Variants in PCDHA5 observed in about 807,000 individuals in gnomAD.
The protein encoded by PCDHA5 is protocadherin alpha 5.
A neutral mutation model predicts 61.6 loss-of-function variants in PCDHA5; 43 were observed. That is an observed-to-expected ratio of 0.70 (90% CI 0.55 to 0.90). The LOEUF (loss-of-function observed/expected upper bound fraction) is 0.90. Ranked by LOEUF, PCDHA5 falls within the 40% of genes least tolerant of loss-of-function variation. The pLI, the probability that PCDHA5 is intolerant of heterozygous loss-of-function variation, is 0.00. For synonymous variants in PCDHA5, 627 were observed against 543.9 expected, an observed-to-expected ratio of 1.15 and a Z score of -2.13; for missense variants, 1,298 against 1,222.7, an observed-to-expected ratio of 1.06 and a Z score of -0.92.
intron 1 of PCDHA5, among the ~76,000 whole-genome samples, chr5:140,960,222 A>G (rs1364451029): frequency 2.6e-5 from 4 of 152,206 alleles, no homozygotes; most frequent in African/African-American, 9.6e-5. Flanking sequence ...ATCTCAAGAA[A>G]CAGAGCCATG....
intron 1 of PCDHA5, among the ~76,000 whole-genome samples, chr5:140,889,326 G>A (rs2062188363): frequency 6.6e-6 from 1 of 151,922 alleles, no homozygotes; most frequent in African/African-American, 2.4e-5. Flanking sequence ...TCTGTATCAG[G>A]ATTTTGATTG....
In PCDHA5 at chr5:140,838,535, A is replaced by G. The variant is rs1417451596; in HGVS notation, c.2352+14408A>G. On this transcript the variant is annotated intron_variant, in intron 1 of 3. Transcript: ENST00000529859. ...ATTTGCATCTTATTTTCTTTTATGG[A>G]TATATCATGATTTATTCATCCAGTA... 2.0e-5 allele frequency among the ~76,000 whole-genome samples: 3 copies of G among 151,550 alleles called. No homozygotes were observed. The East Asian group carries it at 5.8e-4, about 29-fold the overall frequency.
intron 1 of PCDHA5, chr5:140,869,991 A>G (rs1554163685): frequency 1.9e-6 from 3 of 1,613,542 alleles, no homozygotes; most frequent in Non-Finnish European, 2.5e-6. Flanking sequence ...CACTAGATCA[A>G]AATAATGGAG....
At chr5:141,007,328 A>G (rs1018961755) in intron 3 of PCDHA5, among the ~76,000 whole-genome samples, 1 of 149,092 alleles carries the variant, frequency 6.7e-6, no homozygotes, top group African/African-American at 2.5e-5. Context: ...AAGTGGACAG[A>G]TTGCCTGAGC....
chr5:140,948,497 C>G (rs1181465701), intron 1 of PCDHA5, among the ~76,000 whole-genome samples: 2 of 151,510 alleles, frequency 1.3e-5, no homozygotes, highest in Non-Finnish European at 3.0e-5. Context: ...CTTTCATAGA[C>G]TTTCTATTAA....
chr5:140,863,474 G>A (rs1440662117), intron 1 of PCDHA5: 3 of 480,748 alleles, frequency 6.2e-6, no homozygotes, highest in African/African-American at 2.0e-5. Context: ...CTGGAGAGTC[G>A]CCTCCCAAGG....
In PCDHA5 at chr5:141,005,701, CAAAAAAAA is replaced by C. The variant is rs59860837; in HGVS notation, c.2501-3903_2501-3896del. Among the ~76,000 whole-genome samples, 45 of 7,788 alleles carry C rather than the reference CAAAAAAAA, an allele frequency of 5.8e-3. No individual in the cohort carries two copies. In the East Asian group the frequency reaches 0.064, roughly 11 times the overall value. 5.1% of individuals were successfully genotyped at this position (7,788 alleles called of 152,430 possible). A position where few individuals can be genotyped will look rare whatever the true frequency, so the allele number is the denominator to read the frequency against. On this transcript the variant is annotated intron_variant, in intron 3 of 3. Coordinates refer to ENST00000529859, the MANE Select transcript of PCDHA5 (RefSeq NM_018908.3). ...TGGGCGACAGAGCGAAACTCCGTCT[CAAAAAAAA>C]AAAAAAAAAAAAAAAAAAAAAAGAA...
rs2150484404 is a variant in PCDHA5, at chr5:140,850,437, C to T, written c.2352+26310C>T. 6.3e-6 allele frequency: 10 copies of T among 1,597,794 alleles called. 1 individual carries two copies. Among genetic ancestry groups the T allele is most frequent in the African/African-American group, 1.3e-5 (1 of 74,284 alleles). ...AACGGACGCACCGCGCCAGCGCCTA[C>T]TGGTGCTGGTGAAAGACCACGGGGA... On this transcript the variant is annotated intron_variant, in intron 1 of 3. Transcript: ENST00000529859.
At chr5:140,927,063 C>G in intron 1 of PCDHA5, 1 of 1,611,332 alleles carries the variant, frequency 6.2e-7, no homozygotes. Context: ...ACTTTCGCTT[C>G]CTTTCCAGCC....
intron 1 of PCDHA5, chr5:140,856,880 T>TA: frequency 6.3e-7 from 1 of 1,594,256 alleles, no homozygotes; most frequent in Non-Finnish European, 8.6e-7. Flanking sequence ...GGAAATGATG[T>TA]ATTCATTTAG....
At chr5:140,873,078 T>A (rs1375879471) in intron 1 of PCDHA5, among the ~76,000 whole-genome samples, 19 of 152,184 alleles carry the variant, frequency 1.2e-4, no homozygotes, top group Admixed American at 9.2e-4. Flanking sequence ...ATCTAGCTAT[T>A]TCCCCCCCGT....
At position 140,849,783 on chromosome 5, in the gene PCDHA5, G is replaced by C. The variant is rs2150449806; in HGVS notation, c.2352+25656G>C. ...CGAGCTGGTGGTTACCGCGCGGGAC[G>C]GGGGCTCGCCTTCACTGTGGGCCAC... On this transcript the variant is annotated intron_variant, in intron 1 of 3. Transcript: ENST00000529859. 832,668 of 1,597,604 alleles carry C rather than the reference G, an allele frequency of 0.52. 253,297 individuals carry two copies. The highest frequency in any genetic ancestry group is 0.62 in the South Asian group (55,951 of 90,512).
chr5:140,873,262 G>A (rs1196053156), intron 1 of PCDHA5, among the ~76,000 whole-genome samples: 2 of 152,136 alleles, frequency 1.3e-5, no homozygotes, highest in Non-Finnish European at 2.9e-5. Context: ...ACTCAAAAGT[G>A]ATTAAACCAT....
Position 140,856,446 on chromosome 5 carries a change from C to T in PCDHA5, c.2352+32319C>T. On this transcript the variant is annotated intron_variant, in intron 1 of 3. Coordinates refer to ENST00000529859, the MANE Select transcript of PCDHA5 (RefSeq NM_018908.3). ...ATTAACGACAACCCGCCCAGGTTCTCCGTAACAGAACAAAAGCTCTCAATA... is the reference window on the plus strand; with the variant it reads ...ATTAACGACAACCCGCCCAGGTTCTTCGTAACAGAACAAAAGCTCTCAATA... 1.9e-6 allele frequency: 3 copies of T among 1,598,398 alleles called. 1 individual carries two copies. Among genetic ancestry groups the T allele is most frequent in the Non-Finnish European group, 8.6e-7 (1 of 1,167,936 alleles).
intron 1 of PCDHA5, chr5:140,828,694 C>T (rs2150157980): frequency 6.2e-7 from 1 of 1,614,198 alleles, no homozygotes; most frequent in South Asian, 1.1e-5. Context: ...AATCCTTGGA[C>T]AGAGAGGAAG....
At chr5:140,882,989 G>A (rs567590369) in intron 1 of PCDHA5, 3 of 1,614,130 alleles carry the variant, frequency 1.9e-6, no homozygotes, top group African/African-American at 1.3e-5. Context: ...CAACGCCCCG[G>A]AATTTTACCA....
intron 1 of PCDHA5, chr5:140,843,668 G>C: frequency 6.3e-7 from 1 of 1,593,338 alleles, no homozygotes; most frequent in South Asian, 1.1e-5. Flanking sequence ...TCTGGGATCA[G>C]TTGATGTAGG....
chr5:140,946,631 T>TATATATATATATAC (rs57893927), intron 1 of PCDHA5, among the ~76,000 whole-genome samples: 2,707 of 131,678 alleles, frequency 0.021, 122 homozygotes, highest in African/African-American at 0.036. Flanking sequence ...TATATATATA[T>TATATATATATATAC]ACAATGGAAT....
chr5:140,851,635 T>TG lies in PCDHA5; in HGVS notation c.2352+27508_2352+27509insG, dbSNP rs758488624. On this transcript the variant is annotated intron_variant, in intron 1 of 3. Coordinates refer to ENST00000529859, the MANE Select transcript of PCDHA5 (RefSeq NM_018908.3). ...AGAAAATGCTTTTTAAACAAGTGTTTCCTTTCTTCAAGAAGACATTCTCCT... is the reference window on the plus strand; with the variant it reads ...AGAAAATGCTTTTTAAACAAGTGTTTGCCTTTCTTCAAGAAGACATTCTCCT... 201 of 917,124 alleles carry TG rather than the reference T, an allele frequency of 2.2e-4. 10 individuals are homozygous for TG. The highest frequency in any genetic ancestry group is 3.2e-4 in the Admixed American group (5 of 15,868). The allele number at this position is 917,124 out of a possible 1,614,324, so 56.8% of individuals were successfully genotyped here. A position where few individuals can be genotyped will look rare whatever the true frequency, so the allele number is the denominator to read the frequency against.
Sources: allele counts gnomAD v4.1 joint callset (sites outside exome capture counted in the v4.1 genomes callset), GRCh38; gene constraint gnomAD v4.1.1; transcripts MANE v1.5; gene names NCBI Gene and HGNC (gene_info 2026-07-23, HGNC 2026-07-21).